CSMD1: variants seen among roughly 807,000 people sequenced by gnomAD.
CSMD1 encodes CUB and sushi domain-containing protein 1.
A neutral mutation model predicts 417.5 loss-of-function variants in CSMD1; 213 were observed. The observed-to-expected ratio is 0.51, with a 90% CI of 0.46 to 0.57. The LOEUF (loss-of-function observed/expected upper bound fraction) is 0.57. Among genes scored for constraint, CSMD1 ranks in the 20% least tolerant of loss-of-function variants. The pLI, the probability that CSMD1 is intolerant of heterozygous loss-of-function variation, is 0.00. For synonymous variants in CSMD1, 2,862 were observed against 1,736.8 expected (o/e 1.65, Z -16.11); for missense variants, 6,923 against 4,529.7 (o/e 1.53, Z -15.17).
intron 3 of CSMD1, among the ~76,000 whole-genome samples, chr8:4,132,791 G>A (rs1283606713): frequency 6.6e-6 from 1 of 152,184 alleles, no homozygotes; most frequent in African/African-American, 2.4e-5. Flanking sequence ...CACAAACTGT[G>A]TGTGAATGTA....
chr8:4,739,231 G>C (rs575914797), intron 1 of CSMD1, among the ~76,000 whole-genome samples: 1 of 152,246 alleles, frequency 6.6e-6, no homozygotes, highest in Admixed American at 6.5e-5. Context: ...ATGTTGTTGA[G>C]CCTGCCAAGT....
chr8:3,023,183 G>C (rs947838080), intron 51 of CSMD1, among the ~76,000 whole-genome samples: 12 of 152,200 alleles, frequency 7.9e-5, no homozygotes, highest in Non-Finnish European at 1.6e-4. Flanking sequence ...ATCCAGGCCT[G>C]CCTCCAGTAA....
chr8:3,576,220 T>G (rs1800144720), intron 9 of CSMD1, among the ~76,000 whole-genome samples: 1 of 151,888 alleles, frequency 6.6e-6, no homozygotes, highest in Non-Finnish European at 1.5e-5. Flanking sequence ...AACGCAGGTT[T>G]TCCAAAGGGA....
intron 1 of CSMD1, among the ~76,000 whole-genome samples, chr8:4,906,770 G>A (rs12679340): frequency 0.25 from 37,987 of 152,070 alleles, 5,417 homozygotes; most frequent in East Asian, 0.52. Context: ...ATGCTGGCCA[G>A]GTTGGTCTCC....
intron 3 of CSMD1, among the ~76,000 whole-genome samples, chr8:4,111,847 G>A (rs540394129): frequency 6.6e-6 from 1 of 152,216 alleles, no homozygotes; most frequent in East Asian, 1.9e-4. Context: ...TGGGTTGATA[G>A]GTGCCGCAAA....
At chr8:4,051,894 T>C (rs1180326484) in intron 3 of CSMD1, among the ~76,000 whole-genome samples, 1 of 150,176 alleles carries the variant, frequency 6.7e-6, no homozygotes, top group Non-Finnish European at 1.5e-5. Flanking sequence ...CTTCCTTCCT[T>C]CCTTCCTTCC....
chr8:3,716,994 G>A (rs1258986844), intron 6 of CSMD1, among the ~76,000 whole-genome samples: 3 of 152,056 alleles, frequency 2.0e-5, no homozygotes, highest in East Asian at 1.9e-4. Flanking sequence ...AAAAATTGAG[G>A]TACAAAGAAC....
At chr8:4,489,712 T>G (rs1206302270) in intron 2 of CSMD1, among the ~76,000 whole-genome samples, 3 of 152,156 alleles carry the variant, frequency 2.0e-5, no homozygotes, top group Non-Finnish European at 4.4e-5. Context: ...GCACCCTCCC[T>G]GCTCACACCC....
intron 10 of CSMD1, among the ~76,000 whole-genome samples, chr8:3,541,469 A>G (rs1021821826): frequency 2.6e-5 from 4 of 152,028 alleles, no homozygotes; most frequent in African/African-American, 4.8e-5. Flanking sequence ...ACAAACCACC[A>G]TGGTTCATGT....
intron 12 of CSMD1, among the ~76,000 whole-genome samples, chr8:3,462,128 C>A (rs968593262): frequency 6.6e-6 from 1 of 152,066 alleles, no homozygotes; most frequent in Non-Finnish European, 1.5e-5. Context: ...CCAGGCCCCC[C>A]CCCCCACCTC....
chr8:4,309,145 C>A (rs1366118601), intron 3 of CSMD1, among the ~76,000 whole-genome samples: 1 of 152,060 alleles, frequency 6.6e-6, no homozygotes, highest in African/African-American at 2.4e-5. Context: ...CACACACAGG[C>A]CAATTCAACA....
At chr8:3,534,154 C>T (rs1220646506) in intron 10 of CSMD1, among the ~76,000 whole-genome samples, 1 of 152,108 alleles carries the variant, frequency 6.6e-6, no homozygotes, top group Non-Finnish European at 1.5e-5. Flanking sequence ...TAACAAATAC[C>T]CTTGAAGTAA....
chr8:3,813,959 C>A (rs533202875), intron 5 of CSMD1, among the ~76,000 whole-genome samples: 4 of 152,034 alleles, frequency 2.6e-5, no homozygotes, highest in Non-Finnish European at 5.9e-5. Context: ...AATGTAAGAC[C>A]CTGAAATATG....
At chr8:4,626,199 TC>T (rs1226065390) in intron 2 of CSMD1, among the ~76,000 whole-genome samples, 1 of 152,160 alleles carries the variant, frequency 6.6e-6, no homozygotes, top group African/African-American at 2.4e-5. Flanking sequence ...AGCTCAGTTT[TC>T]CTCTTTTGGC....
At chr8:4,111,170 C>A (rs1224367056) in intron 3 of CSMD1, among the ~76,000 whole-genome samples, 1 of 152,114 alleles carries the variant, frequency 6.6e-6, no homozygotes, top group Non-Finnish European at 1.5e-5. Context: ...AGAAAAGTTT[C>A]CCTGTTCCCA....
At chr8:4,182,061 T>C (rs1173798657) in intron 3 of CSMD1, among the ~76,000 whole-genome samples, 1 of 151,862 alleles carries the variant, frequency 6.6e-6, no homozygotes, top group East Asian at 1.9e-4. Context: ...TGTGTGTGTG[T>C]ATACCTAAAT....
intron 7 of CSMD1, among the ~76,000 whole-genome samples, chr8:3,705,188 G>A (rs1368929937): frequency 6.6e-6 from 1 of 152,194 alleles, no homozygotes; most frequent in Non-Finnish European, 1.5e-5. Flanking sequence ...CCACTGAGCT[G>A]TGGCTGCTTT....
At chr8:3,352,573 C>G (rs1808489470) in intron 21 of CSMD1, among the ~76,000 whole-genome samples, 1 of 152,170 alleles carries the variant, frequency 6.6e-6, no homozygotes, top group African/African-American at 2.4e-5. Context: ...GGCGCGGTGG[C>G]TCACATCTGT....
chr8:4,471,124 A>G (rs1011627436), intron 2 of CSMD1, among the ~76,000 whole-genome samples: 1 of 152,314 alleles, frequency 6.6e-6, no homozygotes, highest in African/African-American at 2.4e-5. Flanking sequence ...AATTTTTAAA[A>G]TTATCCTTCA....
Sources: allele counts gnomAD v4.1 joint callset (sites outside exome capture counted in the v4.1 genomes callset), GRCh38; gene constraint gnomAD v4.1.1; transcripts MANE v1.5; gene names NCBI Gene and HGNC (gene_info 2026-07-23, HGNC 2026-07-21).